ADGRV1: variants seen among roughly 807,000 people sequenced by gnomAD.
The protein encoded by ADGRV1 is G-protein coupled receptor 98.
ADGRV1 carries 359 observed loss-of-function variants against 596.2 expected under a neutral mutation model. The observed-to-expected ratio is 0.60, with a 90% CI of 0.55 to 0.66. The LOEUF (loss-of-function observed/expected upper bound fraction) is 0.66. ADGRV1 is among the 30% of genes least tolerant of loss of function. The pLI is 0.00. For missense variants in ADGRV1, 7,274 were observed against 7,575.6 expected (o/e 0.96, Z 1.48); for synonymous variants, 2,681 against 2,679.2 (o/e 1.00, Z -0.02).
At chr5:90,808,714 G>A (rs1457923780) in intron 73 of ADGRV1, among the ~76,000 whole-genome samples, 1 of 152,098 alleles carries the variant, frequency 6.6e-6, no homozygotes, top group East Asian at 1.9e-4. Flanking sequence ...GGCCAACATG[G>A]CAAAACCCCA....
intron 83 of ADGRV1, among the ~76,000 whole-genome samples, chr5:90,885,032 C>T (rs1581416870): frequency 2.0e-5 from 3 of 152,094 alleles, no homozygotes; most frequent in African/African-American, 7.2e-5. Context: ...AGTATGCTTC[C>T]CATGGACCAT....
chr5:90,637,752 A>C lies in ADGRV1; in HGVS notation c.2044A>C (p.Thr682Pro), dbSNP rs1194243261. ...ATACATTCCCTTACATCGGGATGGA[A>C]CTGATGGCCAGGCTACTGTCTACTG... ...VVYIPLHRDG[T>P]DGQATVYWSL... is the part of the protein sequence containing the mutation. The change falls in exon 11 of 90, where the codon ACT (threonine) becomes CCT (proline). Residue 682 changes from threonine (T) to proline (P), a missense_variant. Physicochemically the swap from Thr to Pro is conservative, Grantham distance 38 (BLOSUM62 -1). Coordinates refer to ENST00000405460, the MANE Select transcript of ADGRV1 (RefSeq NM_032119.4). 2 of 1,613,006 alleles carry C rather than the reference A, an allele frequency of 1.2e-6. No individual in the cohort carries two copies. The highest frequency in any genetic ancestry group is 8.5e-7 in the Non-Finnish European group (1 of 1,179,496).
At chr5:90,752,181 A>G (rs146867387) in intron 53 of ADGRV1, among the ~76,000 whole-genome samples, 4 of 152,330 alleles carry the variant, frequency 2.6e-5, no homozygotes, top group African/African-American at 9.6e-5. Context: ...GATAGACAAT[A>G]TGCAATTGAA....
At chr5:90,586,716 T>A (rs977299558) in intron 1 of ADGRV1, among the ~76,000 whole-genome samples, 14 of 152,246 alleles carry the variant, frequency 9.2e-5, no homozygotes, top group Admixed American at 7.8e-4. Flanking sequence ...TGTCTGGCTC[T>A]ATCACTTTAG....
At chr5:90,925,613 T>G (rs1339091555) in intron 83 of ADGRV1, among the ~76,000 whole-genome samples, 2 of 151,222 alleles carry the variant, frequency 1.3e-5, no homozygotes, top group Non-Finnish European at 3.0e-5. Context: ...CCTAACTGAA[T>G]ACCCTTTATT....
chr5:90,986,280 G>GA (rs1226285427), intron 85 of ADGRV1, among the ~76,000 whole-genome samples: 1 of 151,344 alleles, frequency 6.6e-6, no homozygotes, highest in Non-Finnish European at 1.5e-5. Flanking sequence ...TTCTAAATAA[G>GA]AAAAAATAGC....
chr5:90,810,754 A>G lies in ADGRV1; in HGVS notation c.15494A>G (p.Lys5165Arg). 6.2e-7 allele frequency: 1 copy of G among 1,613,964 alleles called. No individual in the cohort carries two copies. ...TCCACCACATACCTCAGCACAAGCA[A>G]GACGACTACCATTCTGCAGCCAACC... ...TESTTYLSTS[K>R]TTTILQPTNV... Residue 5165 changes from lysine (K) to arginine (R), a missense_variant, in exon 74 of 90, where the codon AAG (lysine) becomes AGG (arginine). Physicochemically the swap from Lys to Arg is conservative, Grantham distance 26. Coordinates refer to ENST00000405460, the MANE Select transcript of ADGRV1 (RefSeq NM_032119.4).
chr5:91,006,220 C>T (rs73187123), intron 85 of ADGRV1, among the ~76,000 whole-genome samples: 21,002 of 151,980 alleles, frequency 0.14, 1,944 homozygotes, highest in African/African-American at 0.24. Context: ...TACCCTGTGA[C>T]GTCTGAAGGG....
intron 1 of ADGRV1, among the ~76,000 whole-genome samples, chr5:90,568,577 G>GTACA: frequency 6.6e-6 from 1 of 152,276 alleles, no homozygotes; most frequent in Admixed American, 6.5e-5. Flanking sequence ...GATAAGATAT[G>GTACA]TATTCTGCTG....
At chr5:90,889,211 T>C (rs930961576) in intron 83 of ADGRV1, among the ~76,000 whole-genome samples, 1 of 152,202 alleles carries the variant, frequency 6.6e-6, no homozygotes, top group African/African-American at 2.4e-5. Flanking sequence ...TTTAGCCATG[T>C]GCGTCAGTGC....
At chr5:90,604,749 A>T (rs1188082591) in intron 1 of ADGRV1, among the ~76,000 whole-genome samples, 1 of 152,202 alleles carries the variant, frequency 6.6e-6, no homozygotes, top group Non-Finnish European at 1.5e-5. Context: ...GACCTAAAAG[A>T]CAAGAGTTAT....
At chr5:90,572,577 G>C (rs1302650507) in intron 1 of ADGRV1, among the ~76,000 whole-genome samples, 1 of 152,068 alleles carries the variant, frequency 6.6e-6, no homozygotes, top group Middle Eastern at 3.2e-3. Context: ...ACAAGCAATG[G>C]GGAAAAGACT....
At chr5:90,975,310 A>G (rs1779459519) in intron 84 of ADGRV1, among the ~76,000 whole-genome samples, 1 of 152,168 alleles carries the variant, frequency 6.6e-6, no homozygotes, top group Admixed American at 6.5e-5. Context: ...TCAAGGATCT[A>G]GAACTAGAAA....
intron 85 of ADGRV1, among the ~76,000 whole-genome samples, chr5:91,049,745 T>G (rs556124183): frequency 6.6e-6 from 1 of 152,290 alleles, no homozygotes; most frequent in South Asian, 2.1e-4. Flanking sequence ...TGTATCTTGA[T>G]TATTTTTGAA....
intron 83 of ADGRV1, among the ~76,000 whole-genome samples, chr5:90,883,722 T>C (rs1770012281): frequency 6.6e-6 from 1 of 152,196 alleles, no homozygotes; most frequent in Admixed American, 6.5e-5. Flanking sequence ...ATTCTCACCC[T>C]GCATTTTGTA....
intron 83 of ADGRV1, among the ~76,000 whole-genome samples, chr5:90,894,847 T>TTA (rs1771151409): frequency 6.6e-6 from 1 of 152,244 alleles, no homozygotes; most frequent in Non-Finnish European, 1.5e-5. Flanking sequence ...TTCCTAAGTC[T>TTA]GGTCCTTAAG....
intron 1 of ADGRV1, among the ~76,000 whole-genome samples, chr5:90,607,317 C>G (rs748793347): frequency 1.3e-5 from 2 of 152,060 alleles, no homozygotes; most frequent in African/African-American, 4.8e-5. Flanking sequence ...GAGTGAGCAA[C>G]TAGGTGGGGA....
chr5:90,868,213 GTTA>G (rs962678491), intron 83 of ADGRV1, among the ~76,000 whole-genome samples: 8 of 151,960 alleles, frequency 5.3e-5, no homozygotes, highest in South Asian at 4.2e-4. Context: ...CACTGTTGCT[GTTA>G]TTATTATTAC....
intron 83 of ADGRV1, among the ~76,000 whole-genome samples, chr5:90,914,448 A>G (rs765710881): frequency 2.0e-5 from 3 of 152,206 alleles, no homozygotes; most frequent in Non-Finnish European, 1.5e-5. Flanking sequence ...AACTGAGTTT[A>G]AATAAAACTG....
Sources: allele counts gnomAD v4.1 joint callset (sites outside exome capture counted in the v4.1 genomes callset), GRCh38; gene constraint gnomAD v4.1.1; transcripts MANE v1.5; gene names NCBI Gene and HGNC (gene_info 2026-07-23, HGNC 2026-07-21).